PKHD1L1: variants seen among roughly 807,000 people sequenced by gnomAD.
PKHD1L1 encodes PKHD1 like 1, also known as fibrocystin-L.
PKHD1L1 carries 434 observed loss-of-function variants against 462.9 expected under a neutral mutation model. The ratio of observed to expected loss-of-function variants is 0.94; its 90% CI spans 0.87 to 1.02. The LOEUF (loss-of-function observed/expected upper bound fraction) is 1.02. Ranked by LOEUF, PKHD1L1 falls within the 50% of genes least tolerant of loss-of-function variation. The probability of loss-of-function intolerance (pLI) is 0.00; values close to 1 mark genes in which losing one functional copy is unlikely to be tolerated. For synonymous variants in PKHD1L1, 1,781 were observed against 1,750.0 expected, an observed-to-expected ratio of 1.02 and a Z score of -0.44; for missense variants, 5,202 against 5,096.1, an observed-to-expected ratio of 1.02 and a Z score of -0.63.
intron 16 of PKHD1L1, among the ~76,000 whole-genome samples, 198 bp from the exon 17 acceptor site, chr8:109,406,137 G>A (rs1330653781): frequency 6.6e-6 from 1 of 152,122 alleles, no homozygotes; most frequent in African/African-American, 2.4e-5. Context: ...TCCTCAAAGA[G>A]ATCACAAATT....
chr8:109,364,758 C>A, intron 2 of PKHD1L1, 122 bp downstream of exon 2: 2 of 671,050 alleles, frequency 3.0e-6, no homozygotes, highest in South Asian at 2.0e-5. Flanking sequence ...CTTCACTTGG[C>A]CAGAATAGTA....
intron 59 of PKHD1L1, among the ~76,000 whole-genome samples, chr8:109,489,493 TGAAA>T (rs1333133557): frequency 6.6e-6 from 1 of 151,994 alleles, no homozygotes; most frequent in African/African-American, 2.4e-5. Flanking sequence ...ATACATATTC[TGAAA>T]GAGATTATAA....
chr8:109,464,307 G>T lies in PKHD1L1; in HGVS notation c.7475G>T (p.Gly2492Val), dbSNP rs1586568590. 4 of 1,612,942 alleles carry T rather than the reference G, an allele frequency of 2.5e-6. No individual in the cohort carries two copies. The highest frequency in any genetic ancestry group is 1.6e-4 in the Middle Eastern group (1 of 6,082). The part of the protein sequence containing the change: ...GDLQFKSYVR[G>V]CAIHQAYNRA... ...TTACAGTTTAAATCTTATGTAAGAG[G>T]CTGTGCAATTCACCAGGCCTATAAC... Residue 2492 changes from glycine to valine, a missense_variant, in exon 49 of 78, where the codon GGC becomes GTC. Gly to Val is a moderately radical substitution (Grantham distance 109). Coordinates refer to ENST00000378402, the MANE Select transcript of PKHD1L1 (RefSeq NM_177531.6).
chr8:109,367,569 A>C (rs948809779), intron 2 of PKHD1L1, among the ~76,000 whole-genome samples: 9 of 152,238 alleles, frequency 5.9e-5, no homozygotes, highest in East Asian at 3.8e-4. Context: ...AACATTTGCC[A>C]CAGCATTACT....
At chr8:109,453,146 T>A (rs1431228881) in intron 43 of PKHD1L1, among the ~76,000 whole-genome samples, 1 of 152,206 alleles carries the variant, frequency 6.6e-6, no homozygotes, top group Admixed American at 6.5e-5. Flanking sequence ...AGCTAAATGT[T>A]GTTTTATGAA....
At position 109,456,302 on chromosome 8, in the gene PKHD1L1, T is replaced by G. The variant is rs1816820753; in HGVS notation, c.6915T>G (p.Thr2305=). ...TGACCTGGACTCGCTTGGCTCATAC[T>G]GCAAAGGCAGGGGAAAGAATTTTAA... is the stretch of plus-strand genomic sequence containing the variant. The part of the protein sequence containing the change: ...VPVTWTRLAH[T]AKAGERILIL... The change falls in exon 46 of 78, where the codon ACT becomes ACG. Residue 2305 remains threonine (T), a synonymous_variant. Transcript: ENST00000378402. 6.2e-7 allele frequency: 1 copy of G among 1,612,780 alleles called. No homozygotes were observed. Among genetic ancestry groups the G allele is most frequent in the Admixed American group, 1.7e-5 (1 of 59,888 alleles).
chr8:109,431,054 G>A (rs573460007), intron 27 of PKHD1L1, among the ~76,000 whole-genome samples: 15 of 149,034 alleles, frequency 1.0e-4, no homozygotes, highest in East Asian at 9.9e-4. Flanking sequence ...TGCAACCTCC[G>A]CCTCCCAGGT....
At chr8:109,524,050 T>C (rs1820696732) in intron 76 of PKHD1L1, among the ~76,000 whole-genome samples, 1 of 152,202 alleles carries the variant, frequency 6.6e-6, no homozygotes. Context: ...CTCTGATTGG[T>C]AAAAACCATT....
chr8:109,463,830 C>T (rs1371488375), intron 48 of PKHD1L1, among the ~76,000 whole-genome samples: 1 of 152,140 alleles, frequency 6.6e-6, no homozygotes, highest in Non-Finnish European at 1.5e-5. Context: ...CAAAAGAGCA[C>T]AACACCTGGC....
At position 109,419,154 on chromosome 8, in the gene PKHD1L1, A is replaced by G. The variant is rs946359334; in HGVS notation, c.2418A>G (p.Thr806=). The G allele has an allele frequency of 1.2e-6, 2 of 1,613,544 alleles. No homozygotes were observed. The highest frequency in any genetic ancestry group is 1.7e-5 in the Admixed American group (1 of 60,002). Residue 806 remains threonine, a synonymous_variant, in exon 22 of 78, where the codon ACA becomes ACG. Transcript: ENST00000378402. ...TCGTAAGAACGAAATACACTGGGAC[A>G]AATGTTTCTCTTCAGAGGATTAGCT... ...LDLVRTKYTG[T]NVSLQRISLH...
At position 109,406,388 on chromosome 8, in the gene PKHD1L1, C is replaced by T. The variant is rs1233189718; in HGVS notation, c.1723C>T (p.Leu575Phe). 1 of 1,570,114 alleles carries T rather than the reference C, an allele frequency of 6.4e-7. No individual in the cohort carries two copies. The highest frequency in any genetic ancestry group is 8.6e-7 in the Non-Finnish European group (1 of 1,156,332). ...CATACTGCAATCAGCCTTGAATGAC[C>T]TCTGGTCTATAAAACCGGACACAGT... The part of the protein sequence containing the change: ...EFILQSALND[L>F]WSIKPDTVQV... Residue 575 changes from leucine (L) to phenylalanine (F), a missense_variant, in exon 17 of 78, where the codon CTC becomes TTC. By Grantham distance (22) the Leu-to-Phe change is conservative. Around this residue, in one of 3 missense-constraint regions of PKHD1L1, gnomAD observed 4,497 missense variants for 4,336.8 expected, o/e 1.04. Transcript: ENST00000378402.
intron 31 of PKHD1L1, 121 bp from the exon 32 acceptor site, chr8:109,438,776 G>A: frequency 2.4e-6 from 2 of 842,944 alleles, no homozygotes; most frequent in Non-Finnish European, 3.5e-6. Context: ...GCCTCTCAAA[G>A]TGTTAGGATT....
rs1275069358 is a variant in PKHD1L1 at position 109,435,551 on chromosome 8, T to C, written c.3505+197T>C. ...TCTTACAAAGCACAAGTCAGGGTGC[T>C]GCTTATACTTACATCTTAGGTTATT... On this transcript the variant is annotated intron_variant, in intron 29 of 77. Coordinates refer to ENST00000378402, the MANE Select transcript of PKHD1L1 (RefSeq NM_177531.6). 2.6e-5 allele frequency among the ~76,000 whole-genome samples: 4 copies of C among 152,240 alleles called. No individual in the cohort carries two copies. In the East Asian group the frequency reaches 7.7e-4, roughly 29 times the overall value.
At position 109,382,025 on chromosome 8, in the gene PKHD1L1, T is replaced by TTCTAGAACTTAGAA. The variant is rs532321229; in HGVS notation, c.309-438_309-437insTCTAGAACTTAGAA. ...ATTGAACTTAGAAACAGATAGCACA[T>TTCTAGAACTTAGAA]ATTCTAGAGGATTTCATTTATCTTA... On this transcript the variant is annotated intron_variant, in intron 3 of 77. Transcript: ENST00000378402. 1.1e-3 allele frequency among the ~76,000 whole-genome samples: 160 copies of TTCTAGAACTTAGAA among 152,288 alleles called. 1 individual carries two copies. Among genetic ancestry groups the TTCTAGAACTTAGAA allele is most frequent in the African/African-American group, 3.7e-3 (155 of 41,578 alleles).
intron 2 of PKHD1L1, among the ~76,000 whole-genome samples, chr8:109,376,965 G>C (rs963590586): frequency 3.3e-5 from 5 of 152,192 alleles, no homozygotes; most frequent in African/African-American, 9.7e-5. Flanking sequence ...AGAACTGGAG[G>C]TGAGAGGCTT....
chr8:109,440,773 C>T lies in PKHD1L1; in HGVS notation c.4020C>T (p.Gly1340=). The T allele has an allele frequency of 6.2e-7, 1 of 1,613,042 alleles. No individual in the cohort carries two copies. The change falls in exon 33 of 78, where the codon GGC becomes GGT. Residue 1340 remains glycine (G), a synonymous_variant. Transcript: ENST00000378402. ...LEVTSMFPQR[G]SLFGGTEITI... is the part of the protein sequence containing the mutation. ...TGACCAGCATGTTTCCACAAAGAGG[C>T]TCCTTGTTTGGTGGAACTGAAATCA...
Position 109,396,191 on chromosome 8 carries a change from C to G in PKHD1L1, c.922+54C>G. 3.2e-6 allele frequency: 4 copies of G among 1,238,800 alleles called. No individual in the cohort carries two copies. In the South Asian group the frequency reaches 5.4e-5, roughly 17 times the overall value. 76.7% of individuals were successfully genotyped at this position (1,238,800 alleles called of 1,614,324 possible). Reference sequence around the variant, plus strand: ...TTTATTACCACAAATTCTGCCTGCTCTTTAATAATTTGTAATAATAATAAT... The same window carrying G: ...TTTATTACCACAAATTCTGCCTGCTGTTTAATAATTTGTAATAATAATAAT... On this transcript the variant is annotated intron_variant, in intron 11 of 77. Transcript: ENST00000378402.
intron 2 of PKHD1L1, among the ~76,000 whole-genome samples, chr8:109,369,720 T>C (rs541831299): frequency 6.0e-4 from 91 of 152,256 alleles, no homozygotes; most frequent in African/African-American, 2.0e-3. Flanking sequence ...CTTCTGTGTG[T>C]TCCAAACTCA....
At chr8:109,514,677 T>C (rs1299037853) in intron 71 of PKHD1L1, among the ~76,000 whole-genome samples, 3 of 152,132 alleles carry the variant, frequency 2.0e-5, no homozygotes, top group African/African-American at 7.2e-5. Flanking sequence ...GAGCATGAAA[T>C]GTAAGCAATA....
Sources: gnomAD v4.1 joint callset for allele counts (sites outside exome capture counted in the v4.1 genomes callset) on GRCh38, gnomAD v4.1.1 for gene constraint, gnomAD v4.1.1 regional missense constraint, MANE v1.5 for transcripts, NCBI Gene and HGNC (gene_info 2026-07-23, HGNC 2026-07-21) for gene names.